The following SPATA16 variants were observed in gnomAD, a reference collection of about 807,000 sequenced individuals.
The protein encoded by SPATA16 is spermatogenesis associated 16.
In SPATA16, 36 loss-of-function variants were observed where a neutral mutation model predicts 63.3. The observed-to-expected ratio is 0.57, with a 90% CI of 0.44 to 0.75. The LOEUF (loss-of-function observed/expected upper bound fraction) is 0.75, where lower values mean the gene tolerates loss of function less well. Ranked by LOEUF, SPATA16 falls within the 30% of genes least tolerant of loss-of-function variation. The pLI is 0.00. For synonymous variants in SPATA16, 203 were observed against 216.7 expected (o/e 0.94, Z 0.56); for missense variants, 646 against 679.3 (o/e 0.95, Z 0.54).
intron 2 of SPATA16, among the ~76,000 whole-genome samples, chr3:173,074,147 T>A (rs1394927012): frequency 1.3e-5 from 2 of 152,234 alleles, no homozygotes; most frequent in African/African-American, 4.8e-5. Context: ...AACTTGCTTT[T>A]GATTTTACAG....
chr3:172,981,862 G>A (rs1354496338), intron 4 of SPATA16, among the ~76,000 whole-genome samples: 2 of 152,182 alleles, frequency 1.3e-5, no homozygotes, highest in African/African-American at 4.8e-5. Flanking sequence ...ACACAGCAAT[G>A]CTCATTCATT....
chr3:173,031,068 G>T (rs1735592840), intron 3 of SPATA16, among the ~76,000 whole-genome samples: 1 of 151,918 alleles, frequency 6.6e-6, no homozygotes, highest in Non-Finnish European at 1.5e-5. Flanking sequence ...GATTGCCAGG[G>T]GACAGGAGGA....
chr3:172,899,430 T>C (rs1732077821), intron 10 of SPATA16, among the ~76,000 whole-genome samples: 1 of 152,060 alleles, frequency 6.6e-6, no homozygotes, highest in South Asian at 2.1e-4. Flanking sequence ...GTCTCCTTTG[T>C]CTGATATTAA....
At chr3:172,894,491 CAAAA>C (rs34213880) in intron 10 of SPATA16, among the ~76,000 whole-genome samples, 69 of 143,558 alleles carry the variant, frequency 4.8e-4, no homozygotes, top group East Asian at 2.0e-3. Flanking sequence ...ACAAAACATG[CAAAA>C]AAAAAAAAAA....
intron 8 of SPATA16, among the ~76,000 whole-genome samples, chr3:172,920,704 A>C (rs557871057): frequency 5.3e-5 from 8 of 152,346 alleles, no homozygotes; most frequent in South Asian, 4.1e-4. Context: ...TATAAACCTA[A>C]TATTTACAAA....
chr3:172,900,014 C>A (rs1732094400), intron 10 of SPATA16, among the ~76,000 whole-genome samples: 1 of 152,128 alleles, frequency 6.6e-6, no homozygotes, highest in Admixed American at 6.5e-5. Context: ...TTTAGTCATA[C>A]TTTTGCTTAC....
At chr3:172,957,329 T>A (rs1385543989) in intron 5 of SPATA16, among the ~76,000 whole-genome samples, 2 of 152,126 alleles carry the variant, frequency 1.3e-5, no homozygotes, top group Non-Finnish European at 2.9e-5. Context: ...AAAAAATCCT[T>A]CCTCAATTTC....
At chr3:172,926,741 C>A (rs1238931420) in intron 6 of SPATA16, among the ~76,000 whole-genome samples, 1 of 152,120 alleles carries the variant, frequency 6.6e-6, no homozygotes, top group Non-Finnish European at 1.5e-5. Context: ...AACAGAGGGA[C>A]CAGAATTGAA....
chr3:173,069,701 AAT>A (rs1736618976), intron 2 of SPATA16, among the ~76,000 whole-genome samples: 1 of 152,220 alleles, frequency 6.6e-6, no homozygotes, highest in Admixed American at 6.5e-5. Context: ...ACTACAGGCC[AAT>A]ATCTCTGATG....
At chr3:173,096,300 T>C (rs1737348143) in intron 2 of SPATA16, among the ~76,000 whole-genome samples, 2 of 152,090 alleles carry the variant, frequency 1.3e-5, no homozygotes. Context: ...TCTACTACTC[T>C]ACAAAGAATT....
At chr3:172,960,238 A>G (rs1733718441) in intron 5 of SPATA16, among the ~76,000 whole-genome samples, 1 of 152,240 alleles carries the variant, frequency 6.6e-6, no homozygotes, top group African/African-American at 2.4e-5. Flanking sequence ...TTAATTTGAC[A>G]TAAATATTCT....
chr3:172,890,619 CTTGAT>C (rs1354584339), intron 10 of SPATA16, among the ~76,000 whole-genome samples: 2 of 151,994 alleles, frequency 1.3e-5, no homozygotes, highest in Non-Finnish European at 2.9e-5. Flanking sequence ...TTTTAAATTG[CTTGAT>C]TTATCATTCA....
chr3:173,119,621 A>G (rs1577184817), intron 1 of SPATA16, among the ~76,000 whole-genome samples: 1 of 152,208 alleles, frequency 6.6e-6, no homozygotes, highest in East Asian at 1.9e-4. Context: ...ATAATGACAC[A>G]GTAGGGTTGT....
chr3:173,056,135 A>C (rs74928488), intron 2 of SPATA16, among the ~76,000 whole-genome samples: 2 of 152,192 alleles, frequency 1.3e-5, no homozygotes, highest in African/African-American at 4.8e-5. Context: ...TTCATTCACA[A>C]GCCATTATAG....
chr3:173,115,013 A>T (rs1737857028), intron 2 of SPATA16, among the ~76,000 whole-genome samples: 1 of 152,158 alleles, frequency 6.6e-6, no homozygotes, highest in African/African-American at 2.4e-5. Context: ...ATTTTTGTTA[A>T]TTATCAGTAA....
In SPATA16 at chr3:173,035,787, A is replaced by G. The variant is rs556031473; in HGVS notation, c.758+13162T>C. ...CAGGGGGCTCATGAGGTAAATTTTCATAATAATATTAAGAAATTATTTTCC... is the reference window on the plus strand; with the variant it reads ...CAGGGGGCTCATGAGGTAAATTTTCGTAATAATATTAAGAAATTATTTTCC... On this transcript the variant is annotated intron_variant, in intron 3 of 10. Coordinates refer to ENST00000351008, the MANE Select transcript of SPATA16 (RefSeq NM_031955.6). Among the ~76,000 whole-genome samples, 9 of 152,154 alleles carry G rather than the reference A, an allele frequency of 5.9e-5. No homozygotes were observed. In the South Asian group the frequency reaches 1.5e-3, roughly 25 times the overall value.
intron 2 of SPATA16, among the ~76,000 whole-genome samples, chr3:173,104,688 A>G (rs770259199): frequency 1.3e-5 from 2 of 152,198 alleles, no homozygotes; most frequent in Non-Finnish European, 2.9e-5. Context: ...AGAGGATTAC[A>G]TCTCTGCATG....
chr3:172,932,248 C>T (rs1732888048), intron 6 of SPATA16, among the ~76,000 whole-genome samples: 1 of 152,158 alleles, frequency 6.6e-6, no homozygotes, highest in African/African-American at 2.4e-5. Context: ...AAAGAAAAAT[C>T]ATAGAGATTT....
At chr3:173,037,514 A>G (rs1735740581) in intron 3 of SPATA16, among the ~76,000 whole-genome samples, 1 of 152,102 alleles carries the variant, frequency 6.6e-6, no homozygotes, top group Non-Finnish European at 1.5e-5. Flanking sequence ...TGTCAAAGTC[A>G]TATTTGCTAG....
Sources: allele counts gnomAD v4.1 joint callset (sites outside exome capture counted in the v4.1 genomes callset), GRCh38; gene constraint gnomAD v4.1.1; transcripts MANE v1.5; gene names NCBI Gene and HGNC (gene_info 2026-07-23, HGNC 2026-07-21).